L3MBTL3: variants seen among roughly 807,000 people sequenced by gnomAD.
The protein encoded by L3MBTL3 is L3MBTL histone methyl-lysine binding protein 3, also known as lethal(3)malignant brain tumor-like protein 3.
L3MBTL3 carries 27 observed loss-of-function variants against 102.3 expected under a neutral mutation model. The observed-to-expected ratio is 0.26, with a 90% confidence interval of 0.19 to 0.36. The LOEUF (loss-of-function observed/expected upper bound fraction) is 0.36, where lower values mean the gene tolerates loss of function less well. Among genes scored for constraint, L3MBTL3 ranks in the 10% least tolerant of loss-of-function variants. The probability of loss-of-function intolerance (pLI) is 1.00; values close to 1 mark genes in which losing one functional copy is unlikely to be tolerated. For synonymous variants in L3MBTL3, 340 were observed against 320.9 expected, an observed-to-expected ratio of 1.06 and a Z score of -0.64; for missense variants, 798 against 955.3, an observed-to-expected ratio of 0.84 and a Z score of 2.17.
rs899647623 is a variant in L3MBTL3, at chr6:130,030,471, G to A, written c.-16+8166G>A. On this transcript the variant is annotated intron_variant, in intron 2 of 22. Transcript: ENST00000361794. ...AGGTCAGGAGATCGAGACCATCCTG[G>A]CTAACACAGTGAAACCCCGTCTCTA... Among the ~76,000 whole-genome samples, 7 of 151,734 alleles carry A rather than the reference G, an allele frequency of 4.6e-5. No homozygotes were observed. In the South Asian group the frequency reaches 1.5e-3, roughly 31 times the overall value.
chr6:130,048,971 T>TACATACAC (rs1780908237), intron 3 of L3MBTL3, among the ~76,000 whole-genome samples: 1 of 53,808 alleles, frequency 1.9e-5, no homozygotes, highest in Non-Finnish European at 4.9e-5. Context: ...CACACACACA[T>TACATACAC]ACACACACAA....
intron 2 of L3MBTL3, among the ~76,000 whole-genome samples, chr6:130,031,303 A>C (rs552973418): frequency 6.6e-6 from 1 of 152,130 alleles, no homozygotes; most frequent in South Asian, 2.1e-4. Flanking sequence ...AGATGAATAA[A>C]CTCTATCCTC....
intron 2 of L3MBTL3, among the ~76,000 whole-genome samples, chr6:130,030,747 T>C (rs1221050180): frequency 6.6e-6 from 1 of 151,772 alleles, no homozygotes; most frequent in South Asian, 2.1e-4. Flanking sequence ...CATTAAGTTG[T>C]CTTCTAGGTT....
At chr6:130,027,276 G>A (rs1779414063) in intron 2 of L3MBTL3, among the ~76,000 whole-genome samples, 1 of 152,062 alleles carries the variant, frequency 6.6e-6, no homozygotes, top group African/African-American at 2.4e-5. Context: ...CATTTTTTGA[G>A]CGTATACTAT....
intron 22 of L3MBTL3, among the ~76,000 whole-genome samples, chr6:130,139,308 T>C (rs1788061763): frequency 1.3e-5 from 2 of 152,232 alleles, no homozygotes; most frequent in Admixed American, 1.3e-4. Context: ...ATCCTGGATT[T>C]TTCCATATTC....
rs565833673 is a variant in L3MBTL3, at chr6:130,065,930, T to A, written c.865-423T>A. Among the ~76,000 whole-genome samples the A allele has an allele frequency of 2.6e-4, 39 of 152,296 alleles. 1 individual carries two copies. The highest frequency in any genetic ancestry group is 8.2e-4 in the African/African-American group (34 of 41,566). On this transcript the variant is annotated intron_variant, in intron 10 of 22. Coordinates refer to ENST00000361794, the MANE Select transcript of L3MBTL3 (RefSeq NM_032438.4). ...AAAAAAAGCTTGACTTCTGTGCATA[T>A]GCACCAGCTGTGGTCTGCAGCCTTC...
intron 22 of L3MBTL3, among the ~76,000 whole-genome samples, chr6:130,135,690 T>C (rs566888858): frequency 2.4e-4 from 36 of 152,340 alleles, no homozygotes; most frequent in African/African-American, 7.7e-4. Context: ...TAGATCCTTT[T>C]CTGGAGGAGT....
intron 19 of L3MBTL3, among the ~76,000 whole-genome samples, chr6:130,110,591 T>G (rs1785288913): frequency 6.6e-6 from 1 of 152,220 alleles, no homozygotes; most frequent in South Asian, 2.1e-4. Flanking sequence ...AAGGAGATTT[T>G]GGGCTGAGAT....
intron 16 of L3MBTL3, among the ~76,000 whole-genome samples, chr6:130,087,345 G>A (rs1420590354): frequency 2.0e-5 from 3 of 151,938 alleles, no homozygotes; most frequent in Non-Finnish European, 4.4e-5. Flanking sequence ...ATTATATTTG[G>A]TAGTAATGTA....
intron 14 of L3MBTL3, 69 bp from the exon 15 acceptor site, chr6:130,083,551 G>T: frequency 1.5e-6 from 1 of 649,324 alleles, no homozygotes; most frequent in East Asian, 3.2e-5. Flanking sequence ...TATAATTTTT[G>T]TTGGACAGTT....
Position 130,109,997 on chromosome 6 carries a change from T to G in L3MBTL3, c.1886+5422T>G, listed in dbSNP as rs374440211. Among the ~76,000 whole-genome samples the G allele has an allele frequency of 1.3e-3, 205 of 152,264 alleles. 1 individual carries two copies. The South Asian group carries it at 0.015, about 11-fold the overall frequency. On this transcript the variant is annotated intron_variant, in intron 19 of 22. Transcript: ENST00000361794. ...TGTTTTTGTTAGGTTTGTCGAAGAT[T>G]AGATAGTTGTACATGTGTGGTGTTA...
intron 2 of L3MBTL3, among the ~76,000 whole-genome samples, chr6:130,036,177 A>G (rs1440754098): frequency 6.6e-6 from 1 of 152,192 alleles, no homozygotes; most frequent in Admixed American, 6.5e-5. Context: ...ATACACATTT[A>G]CAGAGGGTGA....
chr6:130,051,288 A>G lies in L3MBTL3; in HGVS notation c.329A>G (p.Asp110Gly), dbSNP rs750388151. 1.2e-6 allele frequency: 2 copies of G among 1,613,866 alleles called. No individual in the cohort carries two copies. The highest frequency in any genetic ancestry group is 1.7e-6 in the Non-Finnish European group (2 of 1,179,864). The change falls in exon 6 of 23, where the codon GAT becomes GGT. Residue 110 changes from aspartate to glycine, a missense_variant. Physicochemically the swap from Asp to Gly is moderately conservative, Grantham distance 94 (BLOSUM62 -1). Coordinates refer to ENST00000361794, the MANE Select transcript of L3MBTL3 (RefSeq NM_032438.4). ...EKTGMPFRLKDPVKVEGLQFC... is the reference protein window; with the variant it reads ...EKTGMPFRLKGPVKVEGLQFC... Reference sequence around the variant, plus strand: ...ACTGGGATGCCTTTCAGGTTGAAGGATCCAGTGAAAGTAGAAGGGCTTCAG... The same window carrying G: ...ACTGGGATGCCTTTCAGGTTGAAGGGTCCAGTGAAAGTAGAAGGGCTTCAG...
chr6:130,065,121 G>A (rs1782163512), intron 10 of L3MBTL3, among the ~76,000 whole-genome samples: 1 of 152,052 alleles, frequency 6.6e-6, no homozygotes, highest in Admixed American at 6.5e-5. Flanking sequence ...TTTGATGTAT[G>A]TGGTATATCA....
intron 19 of L3MBTL3, among the ~76,000 whole-genome samples, chr6:130,116,036 C>T (rs755774300): frequency 2.0e-5 from 3 of 152,096 alleles, no homozygotes; most frequent in Non-Finnish European, 4.4e-5. Context: ...ATAGCTAGTC[C>T]GTAGCAGACC....
intron 9 of L3MBTL3, 99 bp downstream of exon 9, chr6:130,057,596 A>G: frequency 1.0e-6 from 1 of 982,594 alleles, no homozygotes; most frequent in Non-Finnish European, 1.5e-6. Flanking sequence ...ACTTGGGATC[A>G]TTTTCTCAGC....
intron 14 of L3MBTL3, among the ~76,000 whole-genome samples, chr6:130,083,301 C>T (rs1783481418): frequency 6.6e-6 from 1 of 151,888 alleles, no homozygotes; most frequent in Non-Finnish European, 1.5e-5. Flanking sequence ...GCCTTTATTG[C>T]ATATGTCAGA....
At chr6:130,060,320 T>G (rs1375399972) in intron 10 of L3MBTL3, among the ~76,000 whole-genome samples, 180 bp downstream of exon 10, 1 of 152,194 alleles carries the variant, frequency 6.6e-6, no homozygotes, top group Non-Finnish European at 1.5e-5. Context: ...CAAGCTCTGT[T>G]GTGTAGGTTA....
chr6:130,122,481 A>T (rs1786296588), intron 20 of L3MBTL3, among the ~76,000 whole-genome samples: 2 of 152,158 alleles, frequency 1.3e-5, no homozygotes, highest in Admixed American at 1.3e-4. Flanking sequence ...CTGTTTCTTT[A>T]TCTGTCTATC....
Sources: allele counts gnomAD v4.1 joint callset (sites outside exome capture counted in the v4.1 genomes callset), GRCh38; gene constraint gnomAD v4.1.1; transcripts MANE v1.5; gene names NCBI Gene and HGNC (gene_info 2026-07-23, HGNC 2026-07-21).